Variants in SOCS5 observed in about 807,000 individuals in gnomAD.
SOCS5 encodes the protein suppressor of cytokine signaling 5.
Under a neutral mutation model 42.8 loss-of-function variants are expected in SOCS5, and 32 were observed. That is an observed-to-expected ratio of 0.75 (90% confidence interval 0.56 to 1.01). The LOEUF is 1.01. SOCS5 is among the 50% of genes least tolerant of loss of function. The pLI, the probability that SOCS5 is intolerant of heterozygous loss-of-function variation, is 0.00. For synonymous variants in SOCS5, 283 were observed against 229.6 expected (o/e 1.23, Z -2.10); for missense variants, 627 against 653.0 (o/e 0.96, Z 0.43).
In SOCS5 at chr2:46,760,700, C is replaced by T. The variant is rs777631599; in HGVS notation, c.*559C>T. On this transcript the variant is annotated 3_prime_UTR_variant, in exon 2 of 2. Coordinates refer to ENST00000394861, the MANE Select transcript of SOCS5 (RefSeq NM_144949.3). The stretch of plus-strand genomic sequence containing the variant: ...CGTGTTGATGTAGTTTATAATCAGA[C>T]GCCTTTTCTCTTCTGCAAAAGGTAC... The T allele has an allele frequency of 2.4e-5, 4 of 167,128 alleles. No homozygotes were observed. Among genetic ancestry groups the T allele is most frequent in the African/African-American group, 9.7e-5 (4 of 41,446 alleles). 10.4% of individuals were successfully genotyped at this position (167,128 alleles called of 1,614,324 possible). A position where few individuals can be genotyped will look rare whatever the true frequency, so the allele number is the denominator to read the frequency against.
intron 1 of SOCS5, among the ~76,000 whole-genome samples, chr2:46,716,900 G>A (rs551443923): frequency 6.6e-6 from 1 of 152,310 alleles, no homozygotes; most frequent in Non-Finnish European, 1.5e-5. Context: ...GCCCACCACT[G>A]AGGTGTGCAC....
At chr2:46,705,338 G>A (rs906373109) in intron 1 of SOCS5, among the ~76,000 whole-genome samples, 6 of 152,168 alleles carry the variant, frequency 3.9e-5, no homozygotes, top group Non-Finnish European at 5.9e-5. Context: ...GCAATCTCAC[G>A]CTGTCTCTAG....
chr2:46,716,533 A>G (rs1672748925), intron 1 of SOCS5, among the ~76,000 whole-genome samples: 1 of 152,094 alleles, frequency 6.6e-6, no homozygotes, highest in Non-Finnish European at 1.5e-5. Context: ...GCTAGAGTGC[A>G]GTGGTGCAAA....
At chr2:46,704,269 A>C (rs1216300952) in intron 1 of SOCS5, among the ~76,000 whole-genome samples, 1 of 152,246 alleles carries the variant, frequency 6.6e-6, no homozygotes, top group African/African-American at 2.4e-5. Flanking sequence ...AAACAGGAAC[A>C]ATGTCCAGTC....
chr2:46,726,002 T>C (rs1430027624), intron 1 of SOCS5, among the ~76,000 whole-genome samples: 3 of 152,200 alleles, frequency 2.0e-5, no homozygotes. Flanking sequence ...TCACTTTTTT[T>C]TTTCTTGCTA....
At chr2:46,704,831 T>G (rs1317315216) in intron 1 of SOCS5, among the ~76,000 whole-genome samples, 1 of 152,160 alleles carries the variant, frequency 6.6e-6, no homozygotes, top group East Asian at 1.9e-4. Context: ...ATGAGGCTAT[T>G]TTTGGAAAGT....
At chr2:46,713,023 T>C (rs373007451) in intron 1 of SOCS5, among the ~76,000 whole-genome samples, 13 of 152,220 alleles carry the variant, frequency 8.5e-5, no homozygotes, top group African/African-American at 2.9e-4. Context: ...TGTAGTTTTC[T>C]TTGTGGAAAG....
At chr2:46,709,623 A>T (rs1279373858) in intron 1 of SOCS5, among the ~76,000 whole-genome samples, 1 of 152,188 alleles carries the variant, frequency 6.6e-6, no homozygotes, top group Non-Finnish European at 1.5e-5. Context: ...GAAGTGAAGG[A>T]CCTGGTGAAC....
chr2:46,743,196 G>T (rs1236460389), intron 1 of SOCS5, among the ~76,000 whole-genome samples: 8 of 152,098 alleles, frequency 5.3e-5, no homozygotes, highest in Non-Finnish European at 1.0e-4. Flanking sequence ...TCCCGATCCA[G>T]ACCCCCAAGA....
chr2:46,750,132 G>A (rs1673592246), intron 1 of SOCS5, among the ~76,000 whole-genome samples: 2 of 152,246 alleles, frequency 1.3e-5, no homozygotes, highest in East Asian at 1.9e-4. Context: ...TGGTAATGCT[G>A]GAATTCATCC....
intron 1 of SOCS5, among the ~76,000 whole-genome samples, chr2:46,732,271 A>G (rs746980059): frequency 3.9e-5 from 6 of 152,222 alleles, no homozygotes; most frequent in Non-Finnish European, 8.8e-5. Flanking sequence ...CCGAGAGCAC[A>G]CCACTGGAAG....
chr2:46,709,293 G>T (rs1672562898), intron 1 of SOCS5, among the ~76,000 whole-genome samples: 1 of 152,154 alleles, frequency 6.6e-6, no homozygotes, highest in Admixed American at 6.5e-5. Context: ...GAGAGAAGAG[G>T]CTGTAATCTT....
At chr2:46,721,994 T>G (rs1260789072) in intron 1 of SOCS5, among the ~76,000 whole-genome samples, 4 of 152,014 alleles carry the variant, frequency 2.6e-5, no homozygotes, top group Non-Finnish European at 5.9e-5. Flanking sequence ...ATGGACAGTA[T>G]TGTCATTTCT....
At chr2:46,735,342 C>A (rs1421262252) in intron 1 of SOCS5, among the ~76,000 whole-genome samples, 3 of 152,170 alleles carry the variant, frequency 2.0e-5, no homozygotes, top group Non-Finnish European at 4.4e-5. Flanking sequence ...CATACACCAG[C>A]TGTTTCTTTA....
chr2:46,711,845 C>G (rs1672629793), intron 1 of SOCS5, among the ~76,000 whole-genome samples: 1 of 152,188 alleles, frequency 6.6e-6, no homozygotes, highest in African/African-American at 2.4e-5. Context: ...CAGTATACTT[C>G]CCTTTCCGCA....
chr2:46,714,248 A>C (rs556741504), intron 1 of SOCS5, among the ~76,000 whole-genome samples: 1 of 152,106 alleles, frequency 6.6e-6, no homozygotes, highest in African/African-American at 2.4e-5. Context: ...GAAGTTTCCA[A>C]CTGCAGTTTT....
intron 1 of SOCS5, among the ~76,000 whole-genome samples, chr2:46,749,468 C>A (rs1286424529): frequency 1.3e-5 from 2 of 152,134 alleles, no homozygotes; most frequent in African/African-American, 2.4e-5. Flanking sequence ...TTGTGTTATA[C>A]CACAGTCTGC....
chr2:46,716,827 T>G (rs1672756371), intron 1 of SOCS5, among the ~76,000 whole-genome samples: 1 of 152,182 alleles, frequency 6.6e-6, no homozygotes, highest in African/African-American at 2.4e-5. Context: ...GGTTTTTTGT[T>G]TGGGGAATTT....
chr2:46,722,094 A>G (rs1412975138), intron 1 of SOCS5, among the ~76,000 whole-genome samples: 1 of 151,974 alleles, frequency 6.6e-6, no homozygotes, highest in African/African-American at 2.4e-5. Flanking sequence ...GCTTTGTCTT[A>G]AATTCTCTTT....
Sources: allele counts gnomAD v4.1 joint callset (sites outside exome capture counted in the v4.1 genomes callset), GRCh38; gene constraint gnomAD v4.1.1; transcripts MANE v1.5; gene names NCBI Gene and HGNC (gene_info 2026-07-23, HGNC 2026-07-21).